ZNF521: variants seen among roughly 807,000 people sequenced by gnomAD.
ZNF521 encodes the protein zinc finger protein 521, also known as LYST-interacting protein 3.
A neutral mutation model predicts 105.5 loss-of-function variants in ZNF521; 14 were observed. That is an observed-to-expected ratio of 0.13 (90% CI 0.09 to 0.21). The LOEUF is 0.21. ZNF521 is among the 10% of genes least tolerant of loss of function. The pLI is 1.00. For missense variants in ZNF521, 1,233 were observed against 1,629.7 expected (o/e 0.76, Z 4.19); for synonymous variants, 635 against 606.0 (o/e 1.05, Z -0.70).
intron 3 of ZNF521, among the ~76,000 whole-genome samples, chr18:25,249,166 C>G (rs1907932334): frequency 6.8e-6 from 1 of 147,154 alleles, no homozygotes; most frequent in Non-Finnish European, 1.5e-5. Context: ...TTTTTTGATA[C>G]AGAGTCTCGC....
chr18:25,179,140 T>C (rs2035586275), intron 5 of ZNF521, among the ~76,000 whole-genome samples: 3 of 98,316 alleles, frequency 3.1e-5, no homozygotes, highest in African/African-American at 1.2e-4. Context: ...TTTTTTTTTT[T>C]TTTTTTTTTT....
At chr18:25,133,022 G>A (rs2034669211) in intron 5 of ZNF521, among the ~76,000 whole-genome samples, 1 of 152,148 alleles carries the variant, frequency 6.6e-6, no homozygotes, top group South Asian at 2.1e-4. Context: ...CTGTTGGATG[G>A]GCGGTCTTGG....
chr18:25,155,342 A>G (rs909359676), intron 5 of ZNF521, among the ~76,000 whole-genome samples: 1 of 152,104 alleles, frequency 6.6e-6, no homozygotes, highest in Non-Finnish European at 1.5e-5. Flanking sequence ...ATTTTTTCCC[A>G]ATCTAGCAAT....
At chr18:25,245,506 G>A (rs1174991993) in intron 3 of ZNF521, among the ~76,000 whole-genome samples, 1 of 152,180 alleles carries the variant, frequency 6.6e-6, no homozygotes, top group Non-Finnish European at 1.5e-5. Flanking sequence ...GCAAGACAGG[G>A]AAGAAGGTGG....
chr18:25,183,976 A>G (rs747012786), intron 5 of ZNF521, among the ~76,000 whole-genome samples: 1 of 152,206 alleles, frequency 6.6e-6, no homozygotes, highest in East Asian at 1.9e-4. Flanking sequence ...TTTGAAACAG[A>G]TAGGGGATGG....
At chr18:25,138,749 A>G (rs184846966) in intron 5 of ZNF521, among the ~76,000 whole-genome samples, 1 of 152,304 alleles carries the variant, frequency 6.6e-6, no homozygotes, top group Non-Finnish European at 1.5e-5. Context: ...TTAACATAAA[A>G]GGAAACTGAG....
intron 2 of ZNF521, among the ~76,000 whole-genome samples, chr18:25,349,355 G>A (rs1412998379): frequency 1.3e-5 from 2 of 152,088 alleles, no homozygotes; most frequent in Admixed American, 1.3e-4. Context: ...TCAGGCCCTG[G>A]GTCTAGGTTT....
chr18:25,252,795 C>T (rs1908207941), intron 3 of ZNF521, among the ~76,000 whole-genome samples: 1 of 152,120 alleles, frequency 6.6e-6, no homozygotes, highest in Non-Finnish European at 1.5e-5. Flanking sequence ...ATAGCGCATC[C>T]ATAATGTGCT....
chr18:25,074,253 A>G (rs2033304592), intron 7 of ZNF521, among the ~76,000 whole-genome samples: 1 of 152,242 alleles, frequency 6.6e-6, no homozygotes, highest in East Asian at 1.9e-4. Flanking sequence ...TGCATGGAGA[A>G]TGCAATTAGA....
chr18:25,272,799 A>G (rs1319108289), intron 3 of ZNF521, among the ~76,000 whole-genome samples: 1 of 152,098 alleles, frequency 6.6e-6, no homozygotes, highest in East Asian at 1.9e-4. Context: ...ATTAGGAGAA[A>G]TATCTAATGT....
intron 2 of ZNF521, among the ~76,000 whole-genome samples, chr18:25,326,159 A>G (rs1253592637): frequency 6.6e-6 from 1 of 152,190 alleles, no homozygotes; most frequent in Non-Finnish European, 1.5e-5. Context: ...AAAGTAATGA[A>G]TATCTAAAAG....
rs540883463 is a variant in ZNF521 at position 25,225,839 on chromosome 18, A to G, written c.2079T>C (p.Tyr693=). Residue 693 remains tyrosine (Y), a synonymous_variant, in exon 4 of 8, where the codon TAT becomes TAC. Coordinates refer to ENST00000361524, the MANE Select transcript of ZNF521 (RefSeq NM_015461.3). This position sits in a 1 kb window ranked among gnomAD's most constrained non-coding sequence, Gnocchi z 5.6. ...GCTTGTCACAACTCTCACAGATGTA[A>G]TACGTTGAAGTGATCATAAAGTGAA... ...VTIHFMITST[Y]YICESCDKQF... 6.2e-6 allele frequency: 10 copies of G among 1,614,088 alleles called. No homozygotes were observed. Among genetic ancestry groups the G allele is most frequent in the Non-Finnish European group, 8.5e-6 (10 of 1,180,032 alleles).
intron 5 of ZNF521, among the ~76,000 whole-genome samples, chr18:25,169,830 A>G (rs1470316892): frequency 1.3e-5 from 2 of 152,186 alleles, no homozygotes; most frequent in Non-Finnish European, 2.9e-5. Flanking sequence ...GGTTAATCTC[A>G]CTATACTAAT....
At chr18:25,189,046 T>A (rs1600135636) in intron 5 of ZNF521, among the ~76,000 whole-genome samples, 1 of 152,388 alleles carries the variant, frequency 6.6e-6, no homozygotes, top group East Asian at 1.9e-4. Flanking sequence ...ATTTGTCTTT[T>A]AATAGCTTAA....
At chr18:25,315,404 TGTGA>T (rs1472866381) in intron 3 of ZNF521, 1 of 152,268 alleles carries the variant, frequency 6.6e-6, no homozygotes, top group Non-Finnish European at 1.5e-5. Flanking sequence ...AGAACTCATC[TGTGA>T]GTGTCACCAC....
chr18:25,126,355 A>G (rs574795576), intron 5 of ZNF521, among the ~76,000 whole-genome samples: 132 of 141,538 alleles, frequency 9.3e-4, no homozygotes, highest in African/African-American at 2.6e-3. Flanking sequence ...TATAAATTTA[A>G]ATGAAGCAAT....
At chr18:25,303,890 G>C (rs531754457) in intron 3 of ZNF521, among the ~76,000 whole-genome samples, 5 of 152,258 alleles carry the variant, frequency 3.3e-5, no homozygotes, top group South Asian at 4.1e-4. Flanking sequence ...TACAGAAATA[G>C]GTTGTTCAGG....
At chr18:25,175,013 GCA>G (rs1340058933) in intron 5 of ZNF521, among the ~76,000 whole-genome samples, 5 of 152,218 alleles carry the variant, frequency 3.3e-5, no homozygotes, top group Non-Finnish European at 7.3e-5. Context: ...AGATGATACA[GCA>G]CTATTACCAT....
intron 5 of ZNF521, among the ~76,000 whole-genome samples, chr18:25,102,046 G>T (rs2033975106): frequency 6.6e-6 from 1 of 152,134 alleles, no homozygotes; most frequent in Non-Finnish European, 1.5e-5. Flanking sequence ...ATGAATCCAT[G>T]TAGTGTCTTC....
Sources: gnomAD v4.1 joint callset for allele counts (sites outside exome capture counted in the v4.1 genomes callset) on GRCh38, gnomAD v4.1.1 for gene constraint, Gnocchi (gnomAD v3.1) non-coding constraint, MANE v1.5 for transcripts, NCBI Gene and HGNC (gene_info 2026-07-23, HGNC 2026-07-21) for gene names.